NRG3: variants seen among roughly 807,000 people sequenced by gnomAD.
NRG3 encodes the protein pro-neuregulin-3, membrane-bound isoform.
A neutral mutation model predicts 66.9 loss-of-function variants in NRG3; 31 were observed. The ratio of observed to expected loss-of-function variants is 0.46; its 90% CI spans 0.35 to 0.63. NRG3 has a LOEUF of 0.63. NRG3 is among the 20% of genes least tolerant of loss of function. The probability of loss-of-function intolerance (pLI) is 0.00; values close to 1 mark genes in which losing one functional copy is unlikely to be tolerated. For synonymous variants in NRG3, 393 were observed against 359.4 expected, an observed-to-expected ratio of 1.09 and a Z score of -1.06; for missense variants, 910 against 878.9, an observed-to-expected ratio of 1.04 and a Z score of -0.45.
At chr10:82,175,249 C>T (rs1365470766) in intron 1 of NRG3, among the ~76,000 whole-genome samples, 1 of 152,162 alleles carries the variant, frequency 6.6e-6, no homozygotes, top group Non-Finnish European at 1.5e-5. Flanking sequence ...ATTTTGCCTC[C>T]TGTGATCAGC....
intron 3 of NRG3, among the ~76,000 whole-genome samples, chr10:82,814,347 A>G (rs751238741): frequency 1.3e-5 from 2 of 152,254 alleles, no homozygotes; most frequent in African/African-American, 2.4e-5. Context: ...ATTAAAGAGT[A>G]GAACAGGGTG....
chr10:82,059,327 A>G (rs2133215892), intron 1 of NRG3, among the ~76,000 whole-genome samples: 1 of 152,310 alleles, frequency 6.6e-6, no homozygotes, highest in African/African-American at 2.4e-5. Context: ...GAAAGTAACT[A>G]TGGCCTAGTA....
In NRG3 at chr10:82,468,290, C is replaced by T. The variant is rs118186525; in HGVS notation, c.953+109422C>T. On this transcript the variant is annotated intron_variant, in intron 2 of 8. Coordinates refer to ENST00000372141, the MANE Select transcript of NRG3 (RefSeq NM_001010848.4). The stretch of plus-strand genomic sequence containing the variant: ...TCCTCCCTTGCATGAGAAGGGTGGG[C>T]GCCTATGGCAGGAGGTTTAATAACT... 7.6e-3 allele frequency among the ~76,000 whole-genome samples: 1,154 copies of T among 151,858 alleles called. 41 individuals carry two copies. The highest frequency in any genetic ancestry group is 0.059 in the Admixed American group (897 of 15,268).
intron 1 of NRG3, among the ~76,000 whole-genome samples, chr10:82,148,858 C>T (rs2070462905): frequency 6.6e-6 from 1 of 151,998 alleles, no homozygotes. Flanking sequence ...CACCATCTCA[C>T]CATCCACACT....
At chr10:82,086,985 C>T (rs2065765559) in intron 1 of NRG3, among the ~76,000 whole-genome samples, 1 of 152,046 alleles carries the variant, frequency 6.6e-6, no homozygotes, top group South Asian at 2.1e-4. Context: ...ACCAGAAAGG[C>T]AGGGCTATCA....
chr10:82,296,431 T>C (rs1338583067), intron 1 of NRG3, among the ~76,000 whole-genome samples: 1 of 152,144 alleles, frequency 6.6e-6, no homozygotes, highest in African/African-American at 2.4e-5. Flanking sequence ...AGAGAAGAGA[T>C]ATTCACGGCT....
intron 1 of NRG3, among the ~76,000 whole-genome samples, chr10:82,057,461 C>T (rs1261538645): frequency 2.0e-5 from 3 of 152,034 alleles, no homozygotes; most frequent in Admixed American, 6.6e-5. Flanking sequence ...CTTATTTCCT[C>T]ATTTGTATAA....
chr10:82,028,189 A>C (rs2062404287), intron 1 of NRG3, among the ~76,000 whole-genome samples: 1 of 152,094 alleles, frequency 6.6e-6, no homozygotes. Flanking sequence ...AACTGCAATG[A>C]TTATCTTGTA....
At chr10:82,492,277 T>G (rs1454507004) in intron 2 of NRG3, among the ~76,000 whole-genome samples, 4 of 152,222 alleles carry the variant, frequency 2.6e-5, no homozygotes, top group Admixed American at 2.6e-4. Context: ...TATCTTAATT[T>G]CTTGGCAAAT....
At chr10:82,802,554 AAT>A (rs2135444601) in intron 3 of NRG3, among the ~76,000 whole-genome samples, 2 of 152,310 alleles carry the variant, frequency 1.3e-5, no homozygotes, top group East Asian at 3.9e-4. Context: ...TCAAGACAAA[AAT>A]ATATCTTTCA....
At chr10:82,655,629 T>TCTACATATCTATTTATC (rs2051781505) in intron 2 of NRG3, among the ~76,000 whole-genome samples, 1 of 152,186 alleles carries the variant, frequency 6.6e-6, no homozygotes, top group Non-Finnish European at 1.5e-5. Context: ...CAATTTTACT[T>TCTACATATCTATTTATC]CTACATATCT....
chr10:82,857,178 G>C (rs1163109891), intron 3 of NRG3, among the ~76,000 whole-genome samples: 1 of 152,178 alleles, frequency 6.6e-6, no homozygotes, highest in Admixed American at 6.5e-5. Flanking sequence ...TTAGCAGAGT[G>C]CTCATCTTGA....
chr10:82,386,453 C>G (rs183206517), intron 2 of NRG3, among the ~76,000 whole-genome samples: 1 of 152,238 alleles, frequency 6.6e-6, no homozygotes, highest in East Asian at 1.9e-4. Context: ...AATATTCAGC[C>G]TAGGTCTCAT....
chr10:82,299,944 C>T (rs1420431480), intron 1 of NRG3, among the ~76,000 whole-genome samples: 1 of 152,134 alleles, frequency 6.6e-6, no homozygotes, highest in Non-Finnish European at 1.5e-5. Flanking sequence ...TAACTACTGG[C>T]TCGGCCTAAA....
At chr10:82,607,641 T>C (rs535623968) in intron 2 of NRG3, among the ~76,000 whole-genome samples, 4 of 152,224 alleles carry the variant, frequency 2.6e-5, no homozygotes, top group African/African-American at 9.6e-5. Context: ...GCTCTTGTTC[T>C]CTTTTTTTCT....
intron 2 of NRG3, among the ~76,000 whole-genome samples, chr10:82,374,235 T>C (rs1286727043): frequency 6.6e-6 from 1 of 152,218 alleles, no homozygotes. Flanking sequence ...GCCTACCTTG[T>C]GTTCATGTTA....
At chr10:82,359,890 A>G (rs917620992) in intron 2 of NRG3, among the ~76,000 whole-genome samples, 5 of 152,222 alleles carry the variant, frequency 3.3e-5, no homozygotes, top group African/African-American at 7.2e-5. Flanking sequence ...AACTTAGAAC[A>G]TGCCATGCCA....
intron 1 of NRG3, among the ~76,000 whole-genome samples, chr10:82,064,863 A>C (rs1292268912): frequency 1.3e-5 from 2 of 152,158 alleles, no homozygotes; most frequent in Admixed American, 6.6e-5. Flanking sequence ...TGGAAGAAGA[A>C]TTATTCAAAA....
At chr10:82,493,679 AGGGAT>A (rs894462629) in intron 2 of NRG3, among the ~76,000 whole-genome samples, 2 of 152,196 alleles carry the variant, frequency 1.3e-5, no homozygotes, top group African/African-American at 4.8e-5. Flanking sequence ...TTCAGGACAT[AGGGAT>A]GGGCAAAGAT....
Sources: allele counts gnomAD v4.1 joint callset (sites outside exome capture counted in the v4.1 genomes callset), GRCh38; gene constraint gnomAD v4.1.1; transcripts MANE v1.5; gene names NCBI Gene and HGNC (gene_info 2026-07-23, HGNC 2026-07-21).